DLGAP1: variants seen among roughly 807,000 people sequenced by gnomAD.
DLGAP1 encodes disks large-associated protein 1.
A neutral mutation model predicts 90.8 loss-of-function variants in DLGAP1; 11 were observed. That is an observed-to-expected ratio of 0.12 (90% CI 0.08 to 0.20). The LOEUF is 0.20. DLGAP1 is among the 10% of genes least tolerant of loss of function. DLGAP1 has a pLI of 1.00. For missense variants in DLGAP1, 1,050 were observed against 1,333.8 expected (o/e 0.79, Z 3.31); for synonymous variants, 558 against 540.7 (o/e 1.03, Z -0.44).
At chr18:4,170,837 T>G (rs1157037996) in intron 1 of DLGAP1, among the ~76,000 whole-genome samples, 3 of 152,216 alleles carry the variant, frequency 2.0e-5, no homozygotes, top group Admixed American at 6.5e-5. Context: ...GTATTAGTGT[T>G]CATTTAGATT....
At chr18:4,400,936 T>A (rs571958430) in intron 1 of DLGAP1, among the ~76,000 whole-genome samples, 1 of 152,328 alleles carries the variant, frequency 6.6e-6, no homozygotes, top group African/African-American at 2.4e-5. Context: ...TGAAGTTTAC[T>A]TTTTGTAAAT....
At chr18:4,302,571 T>C (rs1336291325) in intron 1 of DLGAP1, among the ~76,000 whole-genome samples, 1 of 152,168 alleles carries the variant, frequency 6.6e-6, no homozygotes, top group Non-Finnish European at 1.5e-5. Context: ...GTTTTTAATG[T>C]ATTGACAATG....
At chr18:4,107,640 G>A (rs1229007362) in intron 2 of DLGAP1, among the ~76,000 whole-genome samples, 2 of 152,188 alleles carry the variant, frequency 1.3e-5, no homozygotes, top group Non-Finnish European at 2.9e-5. Flanking sequence ...TTAAATTGGT[G>A]AACTGAGTGA....
intron 1 of DLGAP1, among the ~76,000 whole-genome samples, chr18:4,305,346 C>T (rs1417109843): frequency 6.6e-6 from 1 of 151,952 alleles, no homozygotes; most frequent in South Asian, 2.1e-4. Context: ...ACCAGCTTGA[C>T]CAACGTGGTG....
intron 3 of DLGAP1, among the ~76,000 whole-genome samples, chr18:3,965,374 A>T (rs1185418621): frequency 6.6e-6 from 1 of 152,228 alleles, no homozygotes; most frequent in Admixed American, 6.5e-5. Flanking sequence ...GATCCAAAAT[A>T]AATCTTAAGA....
chr18:4,422,184 A>AAT (rs1249192184), intron 1 of DLGAP1, among the ~76,000 whole-genome samples: 4 of 151,572 alleles, frequency 2.6e-5, no homozygotes, highest in South Asian at 2.1e-4. Flanking sequence ...CTTAATTTAT[A>AAT]ATATATATAT....
In DLGAP1 at chr18:3,729,628, C is replaced by T. The variant is rs959400346; in HGVS notation, c.1351-253G>A. ...TTCACCGTGTTGGCCAGGCTGGTCT[C>T]GAACTCCTGACCTCAAGTGATCCAC... On this transcript the variant is annotated intron_variant, in intron 6 of 12. Coordinates refer to ENST00000315677, the MANE Select transcript of DLGAP1 (RefSeq NM_004746.4). This position sits in a 1 kb window ranked among gnomAD's most constrained non-coding sequence, Gnocchi z 6.2. 1.3e-5 allele frequency among the ~76,000 whole-genome samples: 2 copies of T among 151,954 alleles called. No homozygotes were observed. Among genetic ancestry groups the T allele is most frequent in the South Asian group, 2.1e-4 (1 of 4,820 alleles).
At chr18:3,544,606 C>T (rs975406459) in intron 9 of DLGAP1, among the ~76,000 whole-genome samples, 17 of 151,906 alleles carry the variant, frequency 1.1e-4, no homozygotes, top group Admixed American at 4.6e-4. Context: ...GGTCAGACAA[C>T]GTACTTTTTC....
intron 5 of DLGAP1, among the ~76,000 whole-genome samples, chr18:3,778,204 GCAGAGGAGGGTGGAT>G (rs1366537385): frequency 6.6e-6 from 1 of 152,170 alleles, no homozygotes; most frequent in African/African-American, 2.4e-5. Flanking sequence ...ACTTTGGGAG[GCAGAGGAGGGTGGAT>G]CACCGGAGGT....
intron 8 of DLGAP1, among the ~76,000 whole-genome samples, chr18:3,573,068 A>AT (rs1407735496): frequency 2.6e-5 from 4 of 152,192 alleles, no homozygotes; most frequent in Non-Finnish European, 5.9e-5. Flanking sequence ...TATTTTTAAA[A>AT]ATATATATAC....
chr18:4,343,704 C>T (rs546774558), intron 1 of DLGAP1, among the ~76,000 whole-genome samples: 32 of 151,512 alleles, frequency 2.1e-4, no homozygotes, highest in Non-Finnish European at 3.4e-4. Context: ...ATGTAGATGA[C>T]GGGTTGATGG....
chr18:4,292,690 T>C (rs12968393), intron 1 of DLGAP1, among the ~76,000 whole-genome samples: 54,497 of 151,994 alleles, frequency 0.36, 11,028 homozygotes, highest in African/African-American at 0.56. Context: ...TACATACACA[T>C]ACAAACTAAA....
chr18:3,546,405 A>G (rs1237256765), intron 9 of DLGAP1, among the ~76,000 whole-genome samples: 1 of 108,502 alleles, frequency 9.2e-6, no homozygotes, highest in Non-Finnish European at 2.0e-5. Flanking sequence ...ACAGTGCCAA[A>G]CCTTGTCTCA....
chr18:3,645,922 C>T lies in DLGAP1; in HGVS notation c.1592-63674G>A, dbSNP rs77374713. 6.6e-4 allele frequency among the ~76,000 whole-genome samples: 101 copies of T among 152,300 alleles called. No homozygotes were observed. The East Asian group carries it at 0.018, about 27-fold the overall frequency. Reference sequence around the variant, plus strand: ...GAGTATAATATGTCATGTTTGGAAACAGTCTTTCTGTGCTTCCTGCCACAG... The same window carrying T: ...GAGTATAATATGTCATGTTTGGAAATAGTCTTTCTGTGCTTCCTGCCACAG... On this transcript the variant is annotated intron_variant, in intron 7 of 12. Transcript: ENST00000315677.
At chr18:4,282,148 A>AG (rs1474855858) in intron 1 of DLGAP1, among the ~76,000 whole-genome samples, 1 of 152,132 alleles carries the variant, frequency 6.6e-6, no homozygotes, top group African/African-American at 2.4e-5. Context: ...GCGGATCACG[A>AG]GGTCAGGAGA....
intron 5 of DLGAP1, among the ~76,000 whole-genome samples, chr18:3,812,507 C>G (rs2066894889): frequency 1.3e-5 from 2 of 151,888 alleles, no homozygotes; most frequent in Admixed American, 1.3e-4. Flanking sequence ...TAGATCTAAT[C>G]AAGCCACCAA....
chr18:4,061,269 C>A (rs1346588845), intron 2 of DLGAP1, among the ~76,000 whole-genome samples: 2 of 152,070 alleles, frequency 1.3e-5, no homozygotes, highest in African/African-American at 4.8e-5. Context: ...TATAAGAATA[C>A]ATGGGAATGT....
At chr18:4,207,292 C>G (rs148771788) in intron 1 of DLGAP1, among the ~76,000 whole-genome samples, 3 of 152,186 alleles carry the variant, frequency 2.0e-5, no homozygotes, top group Admixed American at 6.5e-5. Flanking sequence ...GACAGCCAAG[C>G]AGAGGGGGAA....
intron 1 of DLGAP1, among the ~76,000 whole-genome samples, chr18:4,204,523 T>TTGTTTG (rs895955013): frequency 6.6e-6 from 1 of 151,836 alleles, no homozygotes; most frequent in African/African-American, 2.4e-5. Context: ...TTTTTTGTTT[T>TTGTTTG]TGTTTTTTTT....
Sources: allele counts gnomAD v4.1 joint callset (sites outside exome capture counted in the v4.1 genomes callset), GRCh38; gene constraint gnomAD v4.1.1; non-coding constraint Gnocchi (gnomAD v3.1); transcripts MANE v1.5; gene names NCBI Gene and HGNC (gene_info 2026-07-23, HGNC 2026-07-21).